Variants in DPYD observed in about 807,000 individuals in gnomAD.
DPYD encodes dihydropyrimidine dehydrogenase.
Under a neutral mutation model 116.2 loss-of-function variants are expected in DPYD, and 109 were observed. The ratio of observed to expected loss-of-function variants is 0.94; its 90% confidence interval spans 0.80 to 1.10. DPYD has a LOEUF of 1.10. Ranked by LOEUF, DPYD falls within the 50% of genes least tolerant of loss-of-function variation. DPYD has a pLI of 0.00. For missense variants in DPYD, 1,302 were observed against 1,254.5 expected (o/e 1.04, Z -0.57); for synonymous variants, 440 against 432.0 (o/e 1.02, Z -0.23).
intron 5 of DPYD, among the ~76,000 whole-genome samples, chr1:97,706,911 T>C (rs1661995765): frequency 1.3e-5 from 2 of 152,104 alleles, no homozygotes; most frequent in Non-Finnish European, 2.9e-5. Flanking sequence ...TTTTGCAAGA[T>C]ACTGTCAAAC....
chr1:97,397,955 TTA>T lies in DPYD; in HGVS notation c.1906-15496_1906-15495del, dbSNP rs549881099. Among the ~76,000 whole-genome samples the T allele has an allele frequency of 7.0e-3, 1,045 of 149,580 alleles. 7 individuals are homozygous for T. Among genetic ancestry groups the T allele is most frequent in the Non-Finnish European group, 0.012 (794 of 67,042 alleles). On this transcript the variant is annotated intron_variant, in intron 14 of 22. Coordinates refer to ENST00000370192, the MANE Select transcript of DPYD (RefSeq NM_000110.4). ...ACTGCCACATGCTGTCTTTTTTTTT[TTA>T]AATTATACTTTAAGTTTTAGGATAC...
chr1:97,810,497 A>G (rs890709548), intron 3 of DPYD, among the ~76,000 whole-genome samples: 4 of 152,072 alleles, frequency 2.6e-5, no homozygotes, highest in African/African-American at 9.7e-5. Flanking sequence ...CATTCTACTA[A>G]TGTACACTCT....
intron 3 of DPYD, among the ~76,000 whole-genome samples, chr1:97,768,680 T>A (rs919536142): frequency 1.3e-5 from 2 of 152,136 alleles, no homozygotes; most frequent in African/African-American, 4.8e-5. Flanking sequence ...ATGCTCCACA[T>A]TTTTTGCTGT....
intron 19 of DPYD, among the ~76,000 whole-genome samples, chr1:97,218,812 C>T (rs985111882): frequency 6.6e-6 from 1 of 151,948 alleles, no homozygotes; most frequent in South Asian, 2.1e-4. Flanking sequence ...TTGTTGTGAA[C>T]ACATTGAAAA....
intron 18 of DPYD, among the ~76,000 whole-genome samples, chr1:97,294,610 A>G (rs1436016824): frequency 6.6e-6 from 1 of 152,220 alleles, no homozygotes; most frequent in Non-Finnish European, 1.5e-5. Context: ...CTTACTCAGG[A>G]TTACAAAGAA....
chr1:97,156,785 A>G (rs915609378), intron 20 of DPYD, among the ~76,000 whole-genome samples: 1 of 152,020 alleles, frequency 6.6e-6, no homozygotes, highest in Non-Finnish European at 1.5e-5. Context: ...CCAAAGGACT[A>G]TAAATCATGC....
chr1:97,562,869 G>A (rs747827784), intron 11 of DPYD, among the ~76,000 whole-genome samples: 4 of 151,876 alleles, frequency 2.6e-5, no homozygotes, highest in East Asian at 1.9e-4. Flanking sequence ...ACAGGTGTGC[G>A]CCATTACACC....
At chr1:97,168,782 G>C (rs555716175) in intron 20 of DPYD, among the ~76,000 whole-genome samples, 1 of 151,642 alleles carries the variant, frequency 6.6e-6, no homozygotes, top group African/African-American at 2.4e-5. Flanking sequence ...TGAATTTAAC[G>C]TGATTAGGCA....
rs372215079 is a variant in DPYD, at chr1:97,760,430, TA to T, written c.234-19952del. Among the ~76,000 whole-genome samples the T allele has an allele frequency of 6.4e-3, 981 of 152,126 alleles. 14 individuals carry two copies. Among genetic ancestry groups the T allele is most frequent in the African/African-American group, 0.022 (924 of 41,514 alleles). On this transcript the variant is annotated intron_variant, in intron 3 of 22. Coordinates refer to ENST00000370192, the MANE Select transcript of DPYD (RefSeq NM_000110.4). ...AAAATAAATTTCAAAAAATAAAAAA[TA>T]GCAATACAACAATAAAAATAACATG... is the stretch of plus-strand genomic sequence containing the variant.
intron 8 of DPYD, among the ~76,000 whole-genome samples, chr1:97,618,896 A>G (rs1656464118): frequency 6.6e-6 from 1 of 152,204 alleles, no homozygotes; most frequent in South Asian, 2.1e-4. Context: ...AAGGCAGTGT[A>G]GATAGAAGAA....
intron 18 of DPYD, among the ~76,000 whole-genome samples, chr1:97,242,122 GTGTA>G (rs1553240404): frequency 0.061 from 4,323 of 71,426 alleles, 919 homozygotes; most frequent in African/African-American, 0.076. Context: ...GTGTGTGCGT[GTGTA>G]TATATATATA....
At chr1:97,545,826 T>TC (rs1650803075) in intron 12 of DPYD, 11 of 1,257,072 alleles carry the variant, frequency 8.8e-6, no homozygotes. Flanking sequence ...AATTTAAGTC[T>TC]CCCCTTCTGC....
chr1:97,277,622 T>G (rs1055180437), intron 18 of DPYD, among the ~76,000 whole-genome samples: 34 of 152,144 alleles, frequency 2.2e-4, no homozygotes, highest in African/African-American at 8.0e-4. Flanking sequence ...ATTGACCTTC[T>G]CTAAAACATA....
chr1:97,617,672 G>C lies in DPYD; in HGVS notation c.851-22506C>G, dbSNP rs368032963. 5.3e-5 allele frequency among the ~76,000 whole-genome samples: 8 copies of C among 152,208 alleles called. No homozygotes were observed. The East Asian group carries it at 1.2e-3, about 22-fold the overall frequency. ...TGTGGAGGGGTTGGGGGTGTCTGCT[G>C]ACAGGCACTAGGTGGAGTGCATACC... is the stretch of plus-strand genomic sequence containing the variant. On this transcript the variant is annotated intron_variant, in intron 8 of 22. Transcript: ENST00000370192.
intron 20 of DPYD, among the ~76,000 whole-genome samples, chr1:97,117,791 A>G (rs1354753214): frequency 6.6e-6 from 1 of 152,188 alleles, no homozygotes; most frequent in Non-Finnish European, 1.5e-5. Context: ...GAAATAACAT[A>G]GAAACTCTGA....
chr1:97,479,024 CTTTGACTTAAGAGAGTGTTGTGCTG>C (rs1158408503), intron 13 of DPYD, among the ~76,000 whole-genome samples: 2 of 152,172 alleles, frequency 1.3e-5, no homozygotes, highest in Non-Finnish European at 2.9e-5. Flanking sequence ...CCAGATCAGC[CTTTGACTTAAGAGAGTGTTGTGCTG>C]ATTTGGTCTA....
At chr1:97,830,547 C>T (rs112520733) in intron 2 of DPYD, among the ~76,000 whole-genome samples, 114 of 152,076 alleles carry the variant, frequency 7.5e-4, no homozygotes, top group Middle Eastern at 3.4e-3. Flanking sequence ...TCTGTCTCTA[C>T]TAAAAATACA....
chr1:97,918,998 A>T (rs1447773931), intron 1 of DPYD, among the ~76,000 whole-genome samples: 1 of 152,246 alleles, frequency 6.6e-6, no homozygotes, highest in East Asian at 1.9e-4. Flanking sequence ...TCTTCAACAC[A>T]AAAATGAACT....
At chr1:97,386,074 A>G (rs1292574506) in intron 14 of DPYD, among the ~76,000 whole-genome samples, 1 of 152,084 alleles carries the variant, frequency 6.6e-6, no homozygotes, top group Non-Finnish European at 1.5e-5. Context: ...GGGTGACCAC[A>G]GATGGGAGAG....
Sources: gnomAD v4.1 joint callset for allele counts (sites outside exome capture counted in the v4.1 genomes callset) on GRCh38, gnomAD v4.1.1 for gene constraint, MANE v1.5 for transcripts, NCBI Gene and HGNC (gene_info 2026-07-23, HGNC 2026-07-21) for gene names.